JAK1: variants seen among roughly 807,000 people sequenced by gnomAD.
JAK1 encodes the protein Janus kinase 1, also known as tyrosine-protein kinase JAK1.
In JAK1, 16 loss-of-function variants were observed where a neutral mutation model predicts 136.6. The ratio of observed to expected loss-of-function variants is 0.12; its 90% CI spans 0.08 to 0.18. JAK1 has a LOEUF of 0.18. JAK1 is among the 10% of genes least tolerant of loss of function. The pLI is 1.00. For missense variants in JAK1, 859 were observed against 1,450.1 expected (o/e 0.59, Z 6.62); for synonymous variants, 492 against 519.5 (o/e 0.95, Z 0.72).
chr1:64,840,759 G>T (rs1315977776), intron 19 of JAK1, among the ~76,000 whole-genome samples: 4 of 152,208 alleles, frequency 2.6e-5, no homozygotes, highest in African/African-American at 9.6e-5. Flanking sequence ...TTGAGCCTGG[G>T]AAGTTGAGGC....
At position 64,869,355 on chromosome 1, in the gene JAK1, G is replaced by A. The variant is rs1189753006; in HGVS notation, c.603C>T (p.Ala201=). 1.2e-6 allele frequency: 2 copies of A among 1,614,028 alleles called. No homozygotes were observed. Among genetic ancestry groups the A allele is most frequent in the Non-Finnish European group, 1.7e-6 (2 of 1,179,954 alleles). Residue 201 remains alanine, a synonymous_variant, in exon 6 of 25, where the codon GCC becomes GCT. Transcript: ENST00000342505. ...CTGGCAACTGCATCTTCTTCATCATGGCATAGTGTGAGATGGCCAGGACAG... is the reference window on the plus strand; with the variant it reads ...CTGGCAACTGCATCTTCTTCATCATAGCATAGTGTGAGATGGCCAGGACAG... ...GMAVLAISHY[A]MMKKMQLPEL...
At chr1:65,024,125 T>C (rs888019621) in intron 2 of JAK1, among the ~76,000 whole-genome samples, 1 of 152,282 alleles carries the variant, frequency 6.6e-6, no homozygotes, top group South Asian at 2.1e-4. Context: ...TTTGGGGGTA[T>C]ATACCTAGGA....
intron 2 of JAK1, among the ~76,000 whole-genome samples, chr1:65,042,407 AACAC>A (rs72477165): frequency 0.019 from 2,757 of 147,940 alleles, 29 homozygotes; most frequent in Non-Finnish European, 0.028. Flanking sequence ...ACTCTTATTT[AACAC>A]ACACACACAC....
chr1:65,015,345 G>T (rs1646884216), intron 2 of JAK1, among the ~76,000 whole-genome samples: 1 of 151,910 alleles, frequency 6.6e-6, no homozygotes, highest in African/African-American at 2.4e-5. Context: ...TAGTTTTTGT[G>T]GTATTTAGCA....
chr1:65,045,253 G>A (rs1339169298), intron 1 of JAK1, among the ~76,000 whole-genome samples: 4 of 152,176 alleles, frequency 2.6e-5, no homozygotes, highest in African/African-American at 9.7e-5. Context: ...GCTGATCTCT[G>A]GCCCAAAGCC....
intron 1 of JAK1, among the ~76,000 whole-genome samples, chr1:64,928,798 A>AC (rs1553170042): frequency 0.013 from 1,166 of 89,860 alleles, 17 homozygotes; most frequent in African/African-American, 0.066. Context: ...AAAAAAAAAC[A>AC]AAAAAAAAAA....
At chr1:65,056,565 C>A (rs1260193111) in intron 1 of JAK1, among the ~76,000 whole-genome samples, 2 of 152,140 alleles carry the variant, frequency 1.3e-5, no homozygotes, top group Non-Finnish European at 2.9e-5. Context: ...GATAATACAC[C>A]TGACCCATAT....
chr1:64,891,393 C>G (rs11576886), intron 1 of JAK1, among the ~76,000 whole-genome samples: 7,577 of 152,242 alleles, frequency 0.05, 317 homozygotes, highest in Admixed American at 0.14. Context: ...AACAACCACC[C>G]AGGAGACTGA....
chr1:65,013,249 T>C (rs1205871341), intron 2 of JAK1, among the ~76,000 whole-genome samples: 1 of 150,756 alleles, frequency 6.6e-6, no homozygotes, highest in African/African-American at 2.4e-5. Context: ...TATAAAAAAT[T>C]AGCCGGGCGT....
At chr1:65,058,451 C>G (rs778893471) in intron 1 of JAK1, 12 of 534,372 alleles carry the variant, frequency 2.2e-5, no homozygotes. Flanking sequence ...CTTCAGTTAT[C>G]ACAGTACTGT....
chr1:64,893,151 A>G (rs310254), intron 1 of JAK1, among the ~76,000 whole-genome samples: 32,509 of 151,962 alleles, frequency 0.21, 4,848 homozygotes, highest in African/African-American at 0.42. Flanking sequence ...TAAAAAAAAT[A>G]AAAATAAAGG....
intron 2 of JAK1, among the ~76,000 whole-genome samples, chr1:65,007,248 G>T (rs757212023): frequency 6.6e-6 from 1 of 152,128 alleles, no homozygotes; most frequent in African/African-American, 2.4e-5. Flanking sequence ...AAGAAGATCC[G>T]GGTGCCATAC....
At chr1:65,010,495 C>T (rs932402418) in intron 2 of JAK1, among the ~76,000 whole-genome samples, 9 of 152,198 alleles carry the variant, frequency 5.9e-5, no homozygotes, top group African/African-American at 1.9e-4. Flanking sequence ...GGAAGTTGAT[C>T]CTCCGGCCTC....
chr1:64,880,753 G>A (rs1331515385), intron 3 of JAK1, among the ~76,000 whole-genome samples: 2 of 152,158 alleles, frequency 1.3e-5, no homozygotes, highest in Non-Finnish European at 2.9e-5. Context: ...CAGATCGCTT[G>A]AAGTCAGGAG....
At chr1:64,841,939 AT>A (rs1214507008) in intron 17 of JAK1, among the ~76,000 whole-genome samples, 3 of 152,230 alleles carry the variant, frequency 2.0e-5, no homozygotes, top group Non-Finnish European at 2.9e-5. Flanking sequence ...CAATGACTGA[AT>A]GACTCAGAAA....
At position 64,948,521 on chromosome 1, in the gene JAK1, G is replaced by A. The variant is rs142084005; in HGVS notation, c.-78+17812C>T. 3.9e-5 allele frequency among the ~76,000 whole-genome samples: 6 copies of A among 152,328 alleles called. No individual in the cohort carries two copies. The East Asian group carries it at 1.2e-3, about 29-fold the overall frequency. ...TTTGCAAAGATAAACTAGCCTTGTT[G>A]ATTTCGCAGATCTCACCAATAAAAT... On this transcript the variant is annotated intron_variant, in intron 1 of 24. Coordinates refer to ENST00000342505, the MANE Select transcript of JAK1 (RefSeq NM_002227.4).
chr1:64,961,692 G>C (rs1163055735), intron 1 of JAK1, among the ~76,000 whole-genome samples: 1 of 151,906 alleles, frequency 6.6e-6, no homozygotes, highest in Non-Finnish European at 1.5e-5. Context: ...TCTCTGCCTA[G>C]ACTTCCTTCC....
intron 2 of JAK1, among the ~76,000 whole-genome samples, chr1:65,005,129 A>C (rs1646793273): frequency 6.6e-6 from 1 of 152,216 alleles, no homozygotes; most frequent in South Asian, 2.1e-4. Context: ...GCATTTTATC[A>C]AACGAAAACT....
At position 64,845,262 on chromosome 1, in the gene JAK1, G is replaced by T. The variant is rs556796639; in HGVS notation, c.2115+251C>A. 2.0e-5 allele frequency among the ~76,000 whole-genome samples: 3 copies of T among 152,170 alleles called. No homozygotes were observed. The South Asian group carries it at 6.2e-4, about 32-fold the overall frequency. ...CTTTCAGCCTTGCCATCCATATGCT[G>T]CAGTATGCAAGTCGGCCCTCTGACG... is the stretch of plus-strand genomic sequence containing the variant. On this transcript the variant is annotated intron_variant, in intron 15 of 24. Transcript: ENST00000342505.
Sources: gnomAD v4.1 joint callset for allele counts (sites outside exome capture counted in the v4.1 genomes callset) on GRCh38, gnomAD v4.1.1 for gene constraint, MANE v1.5 for transcripts, NCBI Gene and HGNC (gene_info 2026-07-23, HGNC 2026-07-21) for gene names.